INPP4B: variants seen among roughly 807,000 people sequenced by gnomAD.
INPP4B encodes inositol polyphosphate 4-phosphatase type II.
Under a neutral mutation model 122.5 loss-of-function variants are expected in INPP4B, and 55 were observed. The ratio of observed to expected loss-of-function variants is 0.45; its 90% confidence interval spans 0.36 to 0.56. The LOEUF is 0.56. INPP4B is among the 20% of genes least tolerant of loss of function. The pLI, the probability that INPP4B is intolerant of heterozygous loss-of-function variation, is 0.00. For synonymous variants in INPP4B, 403 were observed against 388.7 expected, an observed-to-expected ratio of 1.04 and a Z score of -0.43; for missense variants, 1,000 against 1,097.7, an observed-to-expected ratio of 0.91 and a Z score of 1.26.
chr4:142,730,189 C>T (rs535019674), intron 1 of INPP4B, among the ~76,000 whole-genome samples: 1 of 152,296 alleles, frequency 6.6e-6, no homozygotes, highest in African/African-American at 2.4e-5. Context: ...CCAGTTCTTA[C>T]ACTCCCACTA....
rs575695163 is a variant in INPP4B, at chr4:142,687,054, G to A, written c.-191+38785C>T. ...TCTTGGGGATTCTTGCGAAAACTGG[G>A]AAGAAACAAAGAGTTTCTTTGTTTC... On this transcript the variant is annotated intron_variant, in intron 2 of 25. Transcript: ENST00000262992. 1.1e-4 allele frequency among the ~76,000 whole-genome samples: 16 copies of A among 152,068 alleles called. No individual in the cohort carries two copies. In the East Asian group the frequency reaches 2.9e-3, roughly 28 times the overall value.
intron 1 of INPP4B, among the ~76,000 whole-genome samples, chr4:142,736,783 C>T (rs967896411): frequency 6.6e-6 from 1 of 152,080 alleles, no homozygotes; most frequent in Non-Finnish European, 1.5e-5. Context: ...AATTGAATGC[C>T]CTTTATTTCT....
intron 20 of INPP4B, 105 bp downstream of exon 20, chr4:142,123,187 G>T (rs1291155799): frequency 3.3e-6 from 3 of 910,482 alleles, no homozygotes; most frequent in Non-Finnish European, 4.7e-6. Context: ...GTAATACTTG[G>T]CACAATAAAG....
chr4:142,330,059 A>G (rs530833504), intron 7 of INPP4B, among the ~76,000 whole-genome samples: 37 of 152,326 alleles, frequency 2.4e-4, no homozygotes, highest in African/African-American at 8.4e-4. Flanking sequence ...AGCTCTATGA[A>G]TAAAATTGTT....
At chr4:142,526,563 G>A (rs911895848) in intron 2 of INPP4B, among the ~76,000 whole-genome samples, 16 of 151,988 alleles carry the variant, frequency 1.1e-4, no homozygotes, top group Non-Finnish European at 2.2e-4. Flanking sequence ...TAAGTTAATC[G>A]ACCATGGCAT....
chr4:142,615,454 G>T (rs1249420890), intron 2 of INPP4B, among the ~76,000 whole-genome samples: 6 of 152,126 alleles, frequency 3.9e-5, no homozygotes, highest in African/African-American at 1.4e-4. Context: ...CAGCAGAAAG[G>T]AATGTTTTAA....
intron 15 of INPP4B, among the ~76,000 whole-genome samples, chr4:142,179,589 A>T (rs974487469): frequency 6.6e-6 from 1 of 152,210 alleles, no homozygotes; most frequent in Non-Finnish European, 1.5e-5. Context: ...TTTTTGCTGA[A>T]AATTCCCCCT....
intron 2 of INPP4B, among the ~76,000 whole-genome samples, chr4:142,561,387 G>T (rs1730436067): frequency 6.6e-6 from 1 of 151,492 alleles, no homozygotes; most frequent in Admixed American, 6.6e-5. Context: ...AAGGTTACAT[G>T]ACTTGTTAAA....
intron 2 of INPP4B, among the ~76,000 whole-genome samples, chr4:142,475,257 G>T (rs1035998677): frequency 2.1e-5 from 3 of 145,168 alleles, no homozygotes; most frequent in South Asian, 2.3e-4. Context: ...ATTTGCAAGG[G>T]CATCACAGAA....
At chr4:142,079,091 G>A (rs1772423445) in intron 25 of INPP4B, among the ~76,000 whole-genome samples, 1 of 151,934 alleles carries the variant, frequency 6.6e-6, no homozygotes, top group Non-Finnish European at 1.5e-5. Context: ...TATAGGACAT[G>A]TTGTTTTATT....
At chr4:142,416,681 C>T (rs1172663901) in intron 5 of INPP4B, among the ~76,000 whole-genome samples, 1 of 152,064 alleles carries the variant, frequency 6.6e-6, no homozygotes, top group East Asian at 1.9e-4. Context: ...CTAGATCATC[C>T]TTTGGGCAAG....
intron 7 of INPP4B, among the ~76,000 whole-genome samples, chr4:142,335,985 A>T (rs1776430664): frequency 1.3e-5 from 2 of 152,164 alleles, no homozygotes; most frequent in African/African-American, 4.8e-5. Flanking sequence ...TAGACAATCA[A>T]ATGGTGCTTT....
chr4:142,194,167 A>C (rs1215279507), intron 14 of INPP4B, among the ~76,000 whole-genome samples: 1 of 152,174 alleles, frequency 6.6e-6, no homozygotes, highest in African/African-American at 2.4e-5. Flanking sequence ...TCAATAAAAA[A>C]AGTCTTCAAG....
At chr4:142,270,887 C>A (rs755149055) in intron 9 of INPP4B, 113 bp from the exon 10 acceptor site, 39 of 701,292 alleles carry the variant, frequency 5.6e-5, no homozygotes, top group Admixed American at 4.1e-4. Context: ...CTTAATAAGA[C>A]AACATCTGCA....
intron 2 of INPP4B, among the ~76,000 whole-genome samples, chr4:142,607,551 T>G (rs898164450): frequency 6.6e-6 from 1 of 152,212 alleles, no homozygotes. Context: ...TATATTGGAT[T>G]TGGATGCTGG....
intron 2 of INPP4B, among the ~76,000 whole-genome samples, chr4:142,603,002 T>C (rs555359786): frequency 3.3e-5 from 5 of 152,070 alleles, no homozygotes; most frequent in African/African-American, 1.2e-4. Flanking sequence ...AATGATAGAC[T>C]GGATAAAGAA....
intron 25 of INPP4B, among the ~76,000 whole-genome samples, chr4:142,033,440 A>AG (rs1741690758): frequency 1.3e-5 from 2 of 152,136 alleles, no homozygotes; most frequent in African/African-American, 4.8e-5. Flanking sequence ...TGGCCAATGT[A>AG]GGGGAAAAAA....
At chr4:142,661,751 G>A (rs1261359961) in intron 2 of INPP4B, among the ~76,000 whole-genome samples, 3 of 152,166 alleles carry the variant, frequency 2.0e-5, no homozygotes, top group Admixed American at 2.0e-4. Context: ...AGGAAACAAT[G>A]AGAAAAGACT....
chr4:142,173,840 C>T, intron 15 of INPP4B, 31 bp from the exon 16 acceptor site: 1 of 1,555,714 alleles, frequency 6.4e-7, no homozygotes, highest in Non-Finnish European at 8.9e-7. Flanking sequence ...ATAAGTTACA[C>T]AAACAGCATA....
Sources: gnomAD v4.1 joint callset for allele counts (sites outside exome capture counted in the v4.1 genomes callset) on GRCh38, gnomAD v4.1.1 for gene constraint, MANE v1.5 for transcripts, NCBI Gene and HGNC (gene_info 2026-07-23, HGNC 2026-07-21) for gene names.